The following SUSD6 variants were observed in gnomAD, a reference collection of about 807,000 sequenced individuals.
The protein encoded by SUSD6 is sushi domain containing 6.
Under a neutral mutation model 28.4 loss-of-function variants are expected in SUSD6, and 16 were observed. The ratio of observed to expected loss-of-function variants is 0.56; its 90% confidence interval spans 0.38 to 0.86. SUSD6 has a LOEUF of 0.86. SUSD6 is among the 40% of genes least tolerant of loss of function. The probability of loss-of-function intolerance (pLI) is 0.00; values close to 1 mark genes in which losing one functional copy is unlikely to be tolerated. For synonymous variants in SUSD6, 147 were observed against 159.6 expected, an observed-to-expected ratio of 0.92 and a Z score of 0.59; for missense variants, 341 against 384.2, an observed-to-expected ratio of 0.89 and a Z score of 0.94.
chr14:69,647,736 G>A (rs1449823347), intron 1 of SUSD6, among the ~76,000 whole-genome samples: 2 of 152,168 alleles, frequency 1.3e-5, no homozygotes, highest in Non-Finnish European at 2.9e-5. Flanking sequence ...TGTAATCCCA[G>A]CACTTCGGGA....
intron 2 of SUSD6, among the ~76,000 whole-genome samples, chr14:69,678,346 A>G (rs538991364): frequency 1.3e-5 from 2 of 148,738 alleles, no homozygotes; most frequent in Non-Finnish European, 3.0e-5. Context: ...ATAATTATAT[A>G]AATATATATT....
intron 1 of SUSD6, chr14:69,617,723 A>G (rs1884979459): frequency 6.6e-6 from 1 of 152,180 alleles, no homozygotes; most frequent in Admixed American, 6.5e-5. Flanking sequence ...ATCAAATGTG[A>G]TTTATAGTTC....
chr14:69,622,152 T>A (rs991789310), intron 1 of SUSD6, among the ~76,000 whole-genome samples: 1 of 141,454 alleles, frequency 7.1e-6, no homozygotes, highest in Non-Finnish European at 1.5e-5. Context: ...TTCTCCAGTG[T>A]TTTTTTGGCT....
At chr14:69,698,116 T>C (rs1371805329) in intron 2 of SUSD6, among the ~76,000 whole-genome samples, 1 of 152,226 alleles carries the variant, frequency 6.6e-6, no homozygotes, top group Non-Finnish European at 1.5e-5. Flanking sequence ...TCACTTGAGG[T>C]CAGGAGTTCG....
intron 2 of SUSD6, among the ~76,000 whole-genome samples, chr14:69,698,285 C>A (rs1886255993): frequency 6.6e-6 from 1 of 152,178 alleles, no homozygotes; most frequent in African/African-American, 2.4e-5. Context: ...CTGAGATTGC[C>A]ACTGCACTCC....
chr14:69,690,075 C>T (rs1434566239), intron 2 of SUSD6, among the ~76,000 whole-genome samples: 1 of 152,216 alleles, frequency 6.6e-6, no homozygotes, highest in African/African-American at 2.4e-5. Context: ...ACATAGTTAT[C>T]TACCAACATG....
intron 1 of SUSD6, among the ~76,000 whole-genome samples, chr14:69,631,099 G>T (rs1885186403): frequency 6.6e-6 from 1 of 152,224 alleles, no homozygotes; most frequent in African/African-American, 2.4e-5. Flanking sequence ...CTCCTGGAAT[G>T]CCCCAAGGCA....
rs1886456822 is a variant in SUSD6, at chr14:69,711,132, A to G, written c.*153A>G. The G allele has an allele frequency of 2.9e-6, 2 of 688,024 alleles. No homozygotes were observed. The highest frequency in any genetic ancestry group is 5.0e-6 in the Non-Finnish European group (2 of 397,502). 42.6% of individuals were successfully genotyped at this position (688,024 alleles called of 1,614,324 possible). On this transcript the variant is annotated 3_prime_UTR_variant, in exon 6 of 6. Transcript: ENST00000342745. ...GTATCTCTGAGGGCCCTATAGGCCC[A>G]CCTTGCTGGAAACTCAAGGAAGATT...
At chr14:69,643,135 C>T (rs1022243316) in intron 1 of SUSD6, among the ~76,000 whole-genome samples, 1 of 152,140 alleles carries the variant, frequency 6.6e-6, no homozygotes, top group African/African-American at 2.4e-5. Flanking sequence ...CCTGTGCTGC[C>T]TGTTGTCCAA....
intron 1 of SUSD6, among the ~76,000 whole-genome samples, chr14:69,642,386 G>T (rs764510964): frequency 6.6e-6 from 1 of 152,160 alleles, no homozygotes; most frequent in Non-Finnish European, 1.5e-5. Flanking sequence ...GCATGTATTA[G>T]TCTGTTTTCA....
intron 1 of SUSD6, among the ~76,000 whole-genome samples, chr14:69,615,281 G>T (rs905161546): frequency 6.6e-6 from 1 of 152,186 alleles, no homozygotes; most frequent in Non-Finnish European, 1.5e-5. Context: ...GACTGTCCTT[G>T]CGCGTCAAGA....
At chr14:69,677,631 G>A (rs1327208019) in intron 2 of SUSD6, among the ~76,000 whole-genome samples, 3 of 152,060 alleles carry the variant, frequency 2.0e-5, no homozygotes, top group Admixed American at 2.0e-4. Context: ...AGGGGAGTGG[G>A]TGGGGTGGGT....
At chr14:69,626,588 C>T (rs945675798) in intron 1 of SUSD6, among the ~76,000 whole-genome samples, 1 of 152,118 alleles carries the variant, frequency 6.6e-6, no homozygotes, top group African/African-American at 2.4e-5. Flanking sequence ...GGGTATTGGG[C>T]TTACATTTAA....
At chr14:69,678,196 C>A (rs1280734208) in intron 2 of SUSD6, among the ~76,000 whole-genome samples, 1 of 151,858 alleles carries the variant, frequency 6.6e-6, no homozygotes. Flanking sequence ...AAGTATGTAA[C>A]CTTCCGTAGC....
intron 1 of SUSD6, among the ~76,000 whole-genome samples, chr14:69,651,922 A>G (rs1409694376): frequency 3.3e-5 from 5 of 152,178 alleles, no homozygotes; most frequent in Non-Finnish European, 1.5e-5. Context: ...ACTTGTTATC[A>G]TTACAACCTG....
chr14:69,657,849 A>G (rs1275742), intron 1 of SUSD6, among the ~76,000 whole-genome samples: 17,590 of 152,116 alleles, frequency 0.12, 1,273 homozygotes, highest in Middle Eastern at 0.17. Flanking sequence ...TGTCTGAACT[A>G]GAGTGGGTGG....
intron 2 of SUSD6, among the ~76,000 whole-genome samples, chr14:69,668,309 C>G (rs1161923371): frequency 2.6e-5 from 4 of 152,084 alleles, no homozygotes; most frequent in Admixed American, 2.0e-4. Context: ...CAGTGTGGAT[C>G]CTGTTAGGTG....
At chr14:69,638,953 C>T (rs1011846520) in intron 1 of SUSD6, among the ~76,000 whole-genome samples, 1 of 152,270 alleles carries the variant, frequency 6.6e-6, no homozygotes, top group South Asian at 2.1e-4. Context: ...GGTATAAGAA[C>T]CACAGCCCTT....
rs185322686 is a variant in SUSD6, at chr14:69,667,652, G to A, written c.121+8939G>A. ...CCCGCCTCAGCCTCCCAAAGTGCTG[G>A]GACTACAGGTGTGAGCCACTGTGCC... On this transcript the variant is annotated intron_variant, in intron 2 of 5. Transcript: ENST00000342745. Among the ~76,000 whole-genome samples the A allele has an allele frequency of 2.0e-5, 3 of 152,030 alleles. No individual in the cohort carries two copies. The East Asian group carries it at 5.8e-4, about 29-fold the overall frequency.
Sources: gnomAD v4.1 joint callset for allele counts (sites outside exome capture counted in the v4.1 genomes callset) on GRCh38, gnomAD v4.1.1 for gene constraint, MANE v1.5 for transcripts, NCBI Gene and HGNC (gene_info 2026-07-23, HGNC 2026-07-21) for gene names.